The following ADAMTS12 variants were observed in gnomAD, a reference collection of about 807,000 sequenced individuals.
ADAMTS12 encodes the protein ADAM metallopeptidase with thrombospondin type 1 motif 12, also known as A disintegrin and metalloproteinase with thrombospondin motifs 12.
ADAMTS12 carries 118 observed loss-of-function variants against 167.8 expected under a neutral mutation model. The ratio of observed to expected loss-of-function variants is 0.70; its 90% CI spans 0.61 to 0.82. The LOEUF (loss-of-function observed/expected upper bound fraction) is 0.82, where lower values mean the gene tolerates loss of function less well. Ranked by LOEUF, ADAMTS12 falls within the 40% of genes least tolerant of loss-of-function variation. The probability of loss-of-function intolerance (pLI) is 0.00; values close to 1 mark genes in which losing one functional copy is unlikely to be tolerated. For synonymous variants in ADAMTS12, 704 were observed against 716.9 expected, an observed-to-expected ratio of 0.98 and a Z score of 0.29; for missense variants, 1,916 against 1,998.8, an observed-to-expected ratio of 0.96 and a Z score of 0.79.
At chr5:33,572,574 A>G (rs1287320780) in intron 19 of ADAMTS12, among the ~76,000 whole-genome samples, 1 of 139,572 alleles carries the variant, frequency 7.2e-6, no homozygotes, top group East Asian at 2.0e-4. Flanking sequence ...ACTCTCAATA[A>G]ATTAGGTATT....
chr5:33,683,081 G>T lies in ADAMTS12; in HGVS notation c.852C>A (p.Asn284Lys). The change falls in exon 5 of 24, where the codon AAC becomes AAA. Residue 284 changes from asparagine to lysine, a missense_variant. Asn to Lys is a moderately conservative substitution (Grantham distance 94, BLOSUM62 0). Coordinates refer to ENST00000504830, the MANE Select transcript of ADAMTS12 (RefSeq NM_030955.4). ...TGTGAATTGCATTGCCAATGCTTGG[G>T]TTATGGAACAACCCAGTGACCTAGG... ...IMNMVTGLFHNPSIGNAIHIV... is the reference protein window; with the variant it reads ...IMNMVTGLFHKPSIGNAIHIV... The T allele has an allele frequency of 6.2e-7, 1 of 1,613,170 alleles. No individual in the cohort carries two copies. The highest frequency in any genetic ancestry group is 1.1e-5 in the South Asian group (1 of 90,834).
chr5:33,747,262 A>G (rs1744822755), intron 3 of ADAMTS12, among the ~76,000 whole-genome samples: 1 of 152,128 alleles, frequency 6.6e-6, no homozygotes, highest in Admixed American at 6.5e-5. Context: ...GGAGACAACT[A>G]TTCATTGAGA....
At chr5:33,595,913 C>T (rs1461366404) in intron 17 of ADAMTS12, 21 bp downstream of exon 17, 1 of 1,613,708 alleles carries the variant, frequency 6.2e-7, no homozygotes, top group East Asian at 2.2e-5. Context: ...ACACAGAGCT[C>T]CAGCTGTTAG....
At chr5:33,860,072 G>A (rs913642874) in intron 2 of ADAMTS12, among the ~76,000 whole-genome samples, 5 of 152,076 alleles carry the variant, frequency 3.3e-5, no homozygotes, top group African/African-American at 1.2e-4. Flanking sequence ...GCACAAAAAG[G>A]CTGAAAATTC....
intron 2 of ADAMTS12, among the ~76,000 whole-genome samples, chr5:33,830,430 T>C (rs923142756): frequency 6.6e-6 from 1 of 152,126 alleles, no homozygotes; most frequent in Non-Finnish European, 1.5e-5. Flanking sequence ...AAGCAGCCAA[T>C]TGATATAAAA....
intron 3 of ADAMTS12, among the ~76,000 whole-genome samples, chr5:33,723,029 A>AG (rs1301787255): frequency 6.6e-6 from 1 of 152,192 alleles, no homozygotes; most frequent in African/African-American, 2.4e-5. Flanking sequence ...GTTCAGGATC[A>AG]GGGGTCAAGG....
At chr5:33,698,060 G>A (rs535153825) in intron 3 of ADAMTS12, among the ~76,000 whole-genome samples, 22 of 152,358 alleles carry the variant, frequency 1.4e-4, no homozygotes, top group African/African-American at 4.6e-4. Context: ...GCAACTAGGC[G>A]GAGGAGAGGG....
chr5:33,810,372 G>A (rs150791224), intron 2 of ADAMTS12, among the ~76,000 whole-genome samples: 189 of 152,244 alleles, frequency 1.2e-3, no homozygotes, highest in African/African-American at 4.3e-3. Flanking sequence ...TAACAACTAC[G>A]TTTCATTTTC....
intron 1 of ADAMTS12, among the ~76,000 whole-genome samples, chr5:33,890,672 C>A (rs150414473): frequency 1.9e-3 from 291 of 152,324 alleles, no homozygotes; most frequent in African/African-American, 6.6e-3. Context: ...TGCATGCTAA[C>A]CCAGTGCTCT....
chr5:33,582,119 G>A (rs1219191101), intron 18 of ADAMTS12, among the ~76,000 whole-genome samples: 2 of 152,034 alleles, frequency 1.3e-5, no homozygotes, highest in East Asian at 1.9e-4. Context: ...GGCAGCCCTC[G>A]GGAGCTAAGA....
chr5:33,629,309 T>C (rs1425947569), intron 13 of ADAMTS12, among the ~76,000 whole-genome samples: 1 of 152,188 alleles, frequency 6.6e-6, no homozygotes, highest in Non-Finnish European at 1.5e-5. Context: ...GAGTGCTGAA[T>C]ATTTAGGGGC....
chr5:33,812,040 C>T (rs1747482276), intron 2 of ADAMTS12, among the ~76,000 whole-genome samples: 1 of 152,168 alleles, frequency 6.6e-6, no homozygotes, highest in South Asian at 2.1e-4. Context: ...AATCCCAGCA[C>T]TTTGGGAGGC....
In ADAMTS12 at chr5:33,585,189, T is replaced by C. The variant is rs547971852; in HGVS notation, c.2865+3410A>G. Among the ~76,000 whole-genome samples the C allele has an allele frequency of 5.3e-5, 8 of 152,292 alleles. No homozygotes were observed. The East Asian group carries it at 9.6e-4, about 18-fold the overall frequency. ...TTGGCAATTTATTTTAAAGCTCTCA[T>C]TGGGGGTACCAGGGGTGTCTCTTGA... On this transcript the variant is annotated intron_variant, in intron 18 of 23. Transcript: ENST00000504830.
chr5:33,686,365 A>G (rs1000420613), intron 3 of ADAMTS12, among the ~76,000 whole-genome samples: 4 of 152,148 alleles, frequency 2.6e-5, no homozygotes, highest in Non-Finnish European at 4.4e-5. Flanking sequence ...CCCCACCCTC[A>G]GATATCTACC....
At chr5:33,671,707 C>T (rs564584045) in intron 5 of ADAMTS12, among the ~76,000 whole-genome samples, 1 of 151,952 alleles carries the variant, frequency 6.6e-6, no homozygotes, top group Admixed American at 6.6e-5. Context: ...CTCACACAAC[C>T]GCAAAGCCAC....
rs147171632 is a variant in ADAMTS12, at chr5:33,857,047, C to T, written c.489+24072G>A. Reference sequence around the variant, plus strand: ...GATAAAGAAATTCAATACATGTACACGTGTGTATATGTGTGATAAAATATT... The same window carrying T: ...GATAAAGAAATTCAATACATGTACATGTGTGTATATGTGTGATAAAATATT... On this transcript the variant is annotated intron_variant, in intron 2 of 23. Transcript: ENST00000504830. 1.5e-3 allele frequency among the ~76,000 whole-genome samples: 226 copies of T among 152,264 alleles called. 2 individuals carry two copies. The highest frequency in any genetic ancestry group is 5.2e-3 in the African/African-American group (216 of 41,546).
chr5:33,891,374 A>AT (rs5867223), intron 1 of ADAMTS12: 13,713 of 192,190 alleles, frequency 0.071, 843 homozygotes, highest in East Asian at 0.23. Flanking sequence ...CTTAAAAAAA[A>AT]AATTTTCCAT....
At chr5:33,548,830 C>G (rs986643626) in intron 21 of ADAMTS12, among the ~76,000 whole-genome samples, 5 of 152,098 alleles carry the variant, frequency 3.3e-5, no homozygotes, top group Non-Finnish European at 7.3e-5. Flanking sequence ...ACTGCAGAAG[C>G]CTCAGAGAGC....
intron 19 of ADAMTS12, among the ~76,000 whole-genome samples, chr5:33,572,118 C>G (rs928643391): frequency 6.6e-6 from 1 of 152,084 alleles, no homozygotes; most frequent in African/African-American, 2.4e-5. Context: ...AGCTTACCAA[C>G]CAAAAAGAGT....
Sources: gnomAD v4.1 joint callset for allele counts (sites outside exome capture counted in the v4.1 genomes callset) on GRCh38, gnomAD v4.1.1 for gene constraint, MANE v1.5 for transcripts, NCBI Gene and HGNC (gene_info 2026-07-23, HGNC 2026-07-21) for gene names.